ARL15: variants seen among roughly 807,000 people sequenced by gnomAD.
ARL15 encodes the protein ADP-ribosylation factor-like protein 15.
Under a neutral mutation model 25.2 loss-of-function variants are expected in ARL15, and 19 were observed. That is an observed-to-expected ratio of 0.75 (90% CI 0.53 to 1.10). The LOEUF (loss-of-function observed/expected upper bound fraction) is 1.10, where lower values mean the gene tolerates loss of function less well. Among genes scored for constraint, ARL15 ranks in the 50% least tolerant of loss-of-function variants. The pLI is 0.00. For missense variants in ARL15, 220 were observed against 246.0 expected, an observed-to-expected ratio of 0.89 and a Z score of 0.71; for synonymous variants, 94 against 86.8, an observed-to-expected ratio of 1.08 and a Z score of -0.46.
chr5:53,930,778 A>G (rs971971774), intron 4 of ARL15, among the ~76,000 whole-genome samples: 10 of 152,306 alleles, frequency 6.6e-5, no homozygotes, highest in African/African-American at 2.4e-4. Context: ...TGGTTTCCCT[A>G]TAGAAAAGAT....
intron 1 of ARL15, among the ~76,000 whole-genome samples, chr5:54,192,744 G>A (rs1209443816): frequency 6.6e-6 from 1 of 151,880 alleles, no homozygotes; most frequent in African/African-American, 2.4e-5. Context: ...AGTCTGTTGA[G>A]AGAAAAAACA....
chr5:54,207,409 T>G (rs986619083), intron 1 of ARL15, among the ~76,000 whole-genome samples: 1 of 152,196 alleles, frequency 6.6e-6, no homozygotes, highest in South Asian at 2.1e-4. Context: ...GTCTTATTCC[T>G]GCTCTACAGA....
At chr5:54,094,453 A>G (rs2112156281) in intron 4 of ARL15, among the ~76,000 whole-genome samples, 1 of 151,984 alleles carries the variant, frequency 6.6e-6, no homozygotes, top group East Asian at 1.9e-4. Flanking sequence ...AATGATATAG[A>G]GACTACACAA....
At chr5:54,094,361 C>T (rs1752219861) in intron 4 of ARL15, among the ~76,000 whole-genome samples, 1 of 148,534 alleles carries the variant, frequency 6.7e-6, no homozygotes, top group Non-Finnish European at 1.5e-5. Context: ...TTTAAAACAA[C>T]AATATTAAAG....
chr5:54,227,102 C>T (rs753496086), intron 1 of ARL15, among the ~76,000 whole-genome samples: 2 of 152,202 alleles, frequency 1.3e-5, no homozygotes, highest in Non-Finnish European at 2.9e-5. Context: ...CACCCAGCCT[C>T]AGGTATATCT....
chr5:53,893,645 AC>A (rs1321145469), intron 4 of ARL15, among the ~76,000 whole-genome samples: 1 of 152,164 alleles, frequency 6.6e-6, no homozygotes, highest in Non-Finnish European at 1.5e-5. Flanking sequence ...AGTCACATTT[AC>A]CATCACACTA....
chr5:54,081,747 T>A (rs554535504), intron 4 of ARL15, among the ~76,000 whole-genome samples: 78 of 152,274 alleles, frequency 5.1e-4, no homozygotes, highest in Non-Finnish European at 7.6e-4. Flanking sequence ...TGTGAGTCAA[T>A]TAAACCTCTT....
intron 4 of ARL15, among the ~76,000 whole-genome samples, chr5:54,075,813 TGTA>T (rs1362077579): frequency 6.6e-6 from 1 of 152,058 alleles, no homozygotes; most frequent in African/African-American, 2.4e-5. Context: ...GTTTTAAAAT[TGTA>T]GTAATTTAAT....
At chr5:53,986,278 C>T (rs1748293314) in intron 4 of ARL15, among the ~76,000 whole-genome samples, 1 of 152,006 alleles carries the variant, frequency 6.6e-6, no homozygotes, top group African/African-American at 2.4e-5. Flanking sequence ...TTAGAACAAA[C>T]AATATACTGC....
At chr5:54,143,936 AT>A (rs956158681) in intron 3 of ARL15, among the ~76,000 whole-genome samples, 4 of 151,832 alleles carry the variant, frequency 2.6e-5, no homozygotes, top group Admixed American at 1.3e-4. Flanking sequence ...ATAAACTTCA[AT>A]TTTTTTCTTC....
At chr5:54,278,294 G>T (rs912596834) in intron 1 of ARL15, among the ~76,000 whole-genome samples, 2 of 152,100 alleles carry the variant, frequency 1.3e-5, no homozygotes, top group Admixed American at 6.5e-5. Flanking sequence ...ATGGTAGAAG[G>T]TTCACTTCAA....
At chr5:54,281,142 CT>C (rs1019481113) in intron 1 of ARL15, among the ~76,000 whole-genome samples, 2 of 151,956 alleles carry the variant, frequency 1.3e-5, no homozygotes, top group African/African-American at 2.4e-5. Flanking sequence ...ATTACTATAA[CT>C]TTTTTTTGTT....
Position 54,094,550 on chromosome 5 carries a change from C to T in ARL15, c.462+18652G>A, listed in dbSNP as rs868614935. ...AACTATTACCATTTTCTCTTAAATG[C>T]CCTAATAAAATAAAGCATTTTAAGA... is the stretch of plus-strand genomic sequence containing the variant. On this transcript the variant is annotated intron_variant, in intron 4 of 4. Transcript: ENST00000504924. Among the ~76,000 whole-genome samples the T allele has an allele frequency of 1.9e-4, 28 of 151,106 alleles. No homozygotes were observed. In the Middle Eastern group the frequency reaches 0.014, roughly 74 times the overall value.
intron 1 of ARL15, among the ~76,000 whole-genome samples, chr5:54,260,518 C>G (rs923939025): frequency 3.3e-5 from 5 of 152,130 alleles, no homozygotes; most frequent in Non-Finnish European, 7.3e-5. Context: ...TTCATATTAA[C>G]CCAACTCAAA....
chr5:53,959,902 T>C (rs1031572667), intron 4 of ARL15, among the ~76,000 whole-genome samples: 4 of 152,102 alleles, frequency 2.6e-5, no homozygotes, highest in East Asian at 3.9e-4. Context: ...CCCTTTACTA[T>C]ACTGAAAGTT....
intron 4 of ARL15, among the ~76,000 whole-genome samples, chr5:54,023,352 A>G (rs1158153358): frequency 6.6e-6 from 1 of 152,110 alleles, no homozygotes; most frequent in East Asian, 1.9e-4. Context: ...AGTTCAAATA[A>G]CCCTCAGGAA....
intron 4 of ARL15, among the ~76,000 whole-genome samples, chr5:54,048,964 T>C (rs1313830435): frequency 1.3e-5 from 2 of 151,942 alleles, no homozygotes; most frequent in Admixed American, 6.6e-5. Flanking sequence ...GTACAGTGGG[T>C]CCCTGAACCC....
intron 4 of ARL15, among the ~76,000 whole-genome samples, chr5:53,963,375 TAGG>T (rs1747432664): frequency 6.6e-6 from 1 of 152,310 alleles, no homozygotes; most frequent in South Asian, 2.1e-4. Flanking sequence ...TGTTTCCCAG[TAGG>T]AGCCAGCACA....
chr5:54,230,875 G>C (rs1193603173), intron 1 of ARL15, among the ~76,000 whole-genome samples: 1 of 152,126 alleles, frequency 6.6e-6, no homozygotes, highest in African/African-American at 2.4e-5. Context: ...GTATATAACA[G>C]CTTGGTAGGT....
Sources: gnomAD v4.1 joint callset for allele counts (sites outside exome capture counted in the v4.1 genomes callset) on GRCh38, gnomAD v4.1.1 for gene constraint, MANE v1.5 for transcripts, NCBI Gene and HGNC (gene_info 2026-07-23, HGNC 2026-07-21) for gene names.